The following NLK variants were observed in gnomAD, a reference collection of about 807,000 sequenced individuals.
NLK encodes nemo like kinase.
A neutral mutation model predicts 59.0 loss-of-function variants in NLK; 11 were observed. The ratio of observed to expected loss-of-function variants is 0.19; its 90% CI spans 0.12 to 0.31. NLK has a LOEUF of 0.31. NLK is among the 10% of genes least tolerant of loss of function. The probability of loss-of-function intolerance (pLI) is 1.00; values close to 1 mark genes in which losing one functional copy is unlikely to be tolerated. For synonymous variants in NLK, 235 were observed against 235.9 expected (o/e 1.00, Z 0.03); for missense variants, 410 against 661.1 (o/e 0.62, Z 4.16).
chr17:28,094,780 G>A (rs1346525104), intron 1 of NLK, among the ~76,000 whole-genome samples: 1 of 152,146 alleles, frequency 6.6e-6, no homozygotes, highest in Non-Finnish European at 1.5e-5. Context: ...GCTAAAAAGT[G>A]GGTATGTTGC....
chr17:28,178,735 G>A (rs907427996), intron 7 of NLK, among the ~76,000 whole-genome samples: 1 of 152,174 alleles, frequency 6.6e-6, no homozygotes, highest in Non-Finnish European at 1.5e-5. Context: ...AGTTCATTCA[G>A]TTCAAACTTA....
At chr17:28,178,909 G>C (rs1489218876) in intron 7 of NLK, among the ~76,000 whole-genome samples, 1 of 152,176 alleles carries the variant, frequency 6.6e-6, no homozygotes, top group Non-Finnish European at 1.5e-5. Context: ...GTCTGCTCGG[G>C]ACACTTGCAC....
At chr17:28,146,965 A>G (rs760830330) in intron 3 of NLK, among the ~76,000 whole-genome samples, 1 of 152,206 alleles carries the variant, frequency 6.6e-6, no homozygotes, top group Non-Finnish European at 1.5e-5. Flanking sequence ...TGGATGCCTA[A>G]CACATAGAAA....
chr17:28,056,060 A>G (rs919662273), intron 1 of NLK, among the ~76,000 whole-genome samples: 2 of 152,190 alleles, frequency 1.3e-5, no homozygotes, highest in African/African-American at 4.8e-5. Context: ...GTAACCTACA[A>G]CTCAGAGATA....
chr17:28,204,437 T>C, the NLK span, among the ~76,000 whole-genome samples: 38 of 152,206 alleles, frequency 2.5e-4, no homozygotes, highest in South Asian at 6.6e-3. Context: ...TGGACTGTGG[T>C]GGGATAGGAA....
Position 28,152,628 on chromosome 17 carries a change from C to CT in NLK, c.645-8520dup, listed in dbSNP as rs565643753. 7.4e-3 allele frequency among the ~76,000 whole-genome samples: 1,089 copies of CT among 147,526 alleles called. 14 individuals are homozygous for CT. The highest frequency in any genetic ancestry group is 0.024 in the African/African-American group (970 of 40,476). ...ATCCCATACACATAAATGCTTTATA[C>CT]TTTTTTTTTTTTGAGATGGGGACTC... is the stretch of plus-strand genomic sequence containing the variant. On this transcript the variant is annotated intron_variant, in intron 3 of 10. Transcript: ENST00000407008.
intron 1 of NLK, among the ~76,000 whole-genome samples, chr17:28,066,283 GTC>G (rs1221001970): frequency 3.9e-5 from 6 of 152,114 alleles, no homozygotes; most frequent in Admixed American, 3.9e-4. Flanking sequence ...GTCCATCACT[GTC>G]TCTGCCTCTT....
intron 3 of NLK, among the ~76,000 whole-genome samples, chr17:28,141,869 C>G (rs1027724302): frequency 6.6e-6 from 1 of 152,130 alleles, no homozygotes. Flanking sequence ...GTTTTTTATA[C>G]TCCAAAAAAC....
At chr17:28,180,019 A>C (rs1229188849) in intron 7 of NLK, among the ~76,000 whole-genome samples, 1 of 151,880 alleles carries the variant, frequency 6.6e-6, no homozygotes, top group African/African-American at 2.4e-5. Context: ...AAGTGAACTT[A>C]GAAATGCAGT....
At chr17:28,109,702 T>C (rs1015816570) in intron 1 of NLK, among the ~76,000 whole-genome samples, 4 of 152,240 alleles carry the variant, frequency 2.6e-5, no homozygotes, top group African/African-American at 9.6e-5. Context: ...TTCTGTTGTA[T>C]AGATGTATCA....
chr17:28,180,265 A>AC (rs1488870577), intron 7 of NLK, among the ~76,000 whole-genome samples: 1 of 152,206 alleles, frequency 6.6e-6, no homozygotes, highest in Non-Finnish European at 1.5e-5. Flanking sequence ...GGTAGCCTTA[A>AC]CATCACTCAT....
chr17:28,198,190 G>C (rs2142079014), downstream of NLK, among the ~76,000 whole-genome samples: 1 of 152,306 alleles, frequency 6.6e-6, no homozygotes, highest in South Asian at 2.1e-4. Context: ...AGACTGGAGT[G>C]CAGTGGCTTG....
intron 1 of NLK, among the ~76,000 whole-genome samples, chr17:28,050,774 T>C (rs560077977): frequency 6.6e-6 from 1 of 151,968 alleles, no homozygotes; most frequent in African/African-American, 2.4e-5. Flanking sequence ...TGGCAGAAGA[T>C]TGTTAGGAAA....
At chr17:28,204,381 A>C in the NLK span, among the ~76,000 whole-genome samples, 1 of 152,212 alleles carries the variant, frequency 6.6e-6, no homozygotes, top group African/African-American at 2.4e-5. Context: ...GTATGATGGA[A>C]GAGTGCGTAG....
chr17:28,158,042 A>G (rs1463842299), intron 3 of NLK, among the ~76,000 whole-genome samples: 1 of 152,226 alleles, frequency 6.6e-6, no homozygotes, highest in Non-Finnish European at 1.5e-5. Flanking sequence ...TAAGGAAATT[A>G]CAGGATAATA....
intron 6 of NLK, 44 bp from the exon 7 acceptor site, chr17:28,172,473 A>G: frequency 7.5e-7 from 1 of 1,333,672 alleles, no homozygotes; most frequent in Non-Finnish European, 1.0e-6. Context: ...ATGAAAAGTT[A>G]TTTCCATGAG....
chr17:28,067,051 T>TA (rs1217877674), intron 1 of NLK, among the ~76,000 whole-genome samples: 1 of 152,192 alleles, frequency 6.6e-6, no homozygotes, highest in Non-Finnish European at 1.5e-5. Flanking sequence ...AGTTCCTTTT[T>TA]AAAAAAATTC....
At chr17:28,087,829 G>T (rs1469115895) in intron 1 of NLK, among the ~76,000 whole-genome samples, 1 of 151,182 alleles carries the variant, frequency 6.6e-6, no homozygotes, top group African/African-American at 2.5e-5. Flanking sequence ...CTGTGAATCT[G>T]TAACCCATGA....
At chr17:28,064,638 T>G (rs1308589180) in intron 1 of NLK, among the ~76,000 whole-genome samples, 1 of 152,210 alleles carries the variant, frequency 6.6e-6, no homozygotes, top group Non-Finnish European at 1.5e-5. Context: ...GCTCAAGCAG[T>G]CCTCTTGACT....
Sources: gnomAD v4.1 joint callset for allele counts (sites outside exome capture counted in the v4.1 genomes callset) on GRCh38, gnomAD v4.1.1 for gene constraint, MANE v1.5 for transcripts, NCBI Gene and HGNC (gene_info 2026-07-23, HGNC 2026-07-21) for gene names.